Variants in NRXN3 observed in about 807,000 individuals in gnomAD.
The protein encoded by NRXN3 is neurexin III.
A neutral mutation model predicts 137.6 loss-of-function variants in NRXN3; 32 were observed. The ratio of observed to expected loss-of-function variants is 0.23; its 90% CI spans 0.18 to 0.31. The LOEUF is 0.31. Ranked by LOEUF, NRXN3 falls within the 10% of genes least tolerant of loss-of-function variation. NRXN3 has a pLI of 1.00. For synonymous variants in NRXN3, 798 were observed against 784.5 expected, an observed-to-expected ratio of 1.02 and a Z score of -0.29; for missense variants, 1,574 against 2,062.5, an observed-to-expected ratio of 0.76 and a Z score of 4.59.
At chr14:78,460,048 T>A (rs1458014319) in intron 4 of NRXN3, among the ~76,000 whole-genome samples, 1 of 152,210 alleles carries the variant, frequency 6.6e-6, no homozygotes, top group Non-Finnish European at 1.5e-5. Context: ...CTAGAGAAAC[T>A]CACAGAACTT....
chr14:78,225,274 T>A (rs1234850792), intron 1 of NRXN3, among the ~76,000 whole-genome samples: 1 of 152,200 alleles, frequency 6.6e-6, no homozygotes, highest in Non-Finnish European at 1.5e-5. Context: ...GTTTCCTGAC[T>A]TTTTAATGAT....
At chr14:78,935,700 T>A (rs932686349) in intron 10 of NRXN3, among the ~76,000 whole-genome samples, 2 of 152,162 alleles carry the variant, frequency 1.3e-5, no homozygotes, top group Non-Finnish European at 2.9e-5. Context: ...GATCATCTGT[T>A]TATCCCACCA....
chr14:79,719,402 G>GTATATATATGTGTGTGTGTGTA (rs5741998), intron 19 of NRXN3, among the ~76,000 whole-genome samples: 6 of 142,280 alleles, frequency 4.2e-5, no homozygotes, highest in Non-Finnish European at 9.0e-5. Flanking sequence ...ATATATGTGT[G>GTATATATATGTGTGTGTGTGTA]TATATATATA....
At chr14:79,524,447 G>A (rs1357482960) in intron 16 of NRXN3, among the ~76,000 whole-genome samples, 1 of 152,098 alleles carries the variant, frequency 6.6e-6, no homozygotes, top group Non-Finnish European at 1.5e-5. Flanking sequence ...TTACACTTTT[G>A]TTATATACTT....
intron 16 of NRXN3, among the ~76,000 whole-genome samples, chr14:79,490,483 A>C (rs907259105): frequency 3.9e-5 from 6 of 152,236 alleles, no homozygotes; most frequent in African/African-American, 1.4e-4. Context: ...CTATTCAGTC[A>C]TAAAAAAAGA....
At chr14:79,042,007 A>G (rs889180255) in intron 15 of NRXN3, among the ~76,000 whole-genome samples, 2 of 152,240 alleles carry the variant, frequency 1.3e-5, no homozygotes, top group Non-Finnish European at 2.9e-5. Context: ...AAGGCAACAC[A>G]GGAAAAAGCA....
intron 15 of NRXN3, among the ~76,000 whole-genome samples, chr14:79,204,039 G>A (rs1441322723): frequency 6.6e-6 from 1 of 152,020 alleles, no homozygotes; most frequent in East Asian, 1.9e-4. Flanking sequence ...CAGTCAAATG[G>A]CTCTTGGGAG....
rs17109610 is a variant in NRXN3 at position 79,619,856 on chromosome 14, A to T, written c.3445-43922A>T. On this transcript the variant is annotated intron_variant, in intron 16 of 20. Transcript: ENST00000335750. Reference sequence around the variant, plus strand: ...AATGTCTTTATAAAGTTTCTTAATCATGAGTGCCCATTTGAGTGGTCTGTG... The same window carrying T: ...AATGTCTTTATAAAGTTTCTTAATCTTGAGTGCCCATTTGAGTGGTCTGTG... Among the ~76,000 whole-genome samples, 3,148 of 152,232 alleles carry T rather than the reference A, an allele frequency of 0.021. 175 individuals are homozygous for T. In the East Asian group the frequency reaches 0.22, roughly 11 times the overall value.
At chr14:78,388,045 C>G (rs773422972) in intron 4 of NRXN3, among the ~76,000 whole-genome samples, 1 of 152,114 alleles carries the variant, frequency 6.6e-6, no homozygotes, top group Non-Finnish European at 1.5e-5. Flanking sequence ...AAAAATATCA[C>G]GGATCTTTAA....
chr14:78,444,101 T>C (rs189028746), intron 4 of NRXN3, among the ~76,000 whole-genome samples: 80 of 152,312 alleles, frequency 5.3e-4, no homozygotes, highest in African/African-American at 1.9e-3. Context: ...AGGGCTTAAA[T>C]AGAAGTAAAG....
At position 78,719,487 on chromosome 14, in the gene NRXN3, G is replaced by A. The variant is rs191674709; in HGVS notation, c.2044+4348G>A. ...TGAGATACCAATCTTCGATGAGGCTGGATTGTGTCATTGAAATGCTACATA... is the reference window on the plus strand; with the variant it reads ...TGAGATACCAATCTTCGATGAGGCTAGATTGTGTCATTGAAATGCTACATA... On this transcript the variant is annotated intron_variant, in intron 8 of 20. Transcript: ENST00000335750. 4.5e-4 allele frequency among the ~76,000 whole-genome samples: 69 copies of A among 152,274 alleles called. 1 individual carries two copies. Among genetic ancestry groups the A allele is most frequent in the African/African-American group, 1.6e-3 (67 of 41,546 alleles).
At chr14:78,797,474 A>C (rs112363545) in intron 8 of NRXN3, among the ~76,000 whole-genome samples, 6,014 of 152,298 alleles carry the variant, frequency 0.039, 173 homozygotes, top group East Asian at 0.077. Flanking sequence ...AAAGGAAATT[A>C]TGCTTAAAAA....
intron 15 of NRXN3, among the ~76,000 whole-genome samples, chr14:79,289,626 A>T (rs2082838267): frequency 1.3e-5 from 2 of 152,174 alleles, no homozygotes; most frequent in Admixed American, 1.3e-4. Flanking sequence ...ATCTAAAAAA[A>T]AAAAATTAAT....
intron 20 of NRXN3, among the ~76,000 whole-genome samples, chr14:79,810,704 C>A (rs927334598): frequency 6.6e-6 from 1 of 152,106 alleles, no homozygotes; most frequent in Non-Finnish European, 1.5e-5. Context: ...GATTCTTAAT[C>A]TTTATCAGTC....
chr14:78,923,298 C>A (rs144800321), intron 10 of NRXN3, among the ~76,000 whole-genome samples: 1 of 152,174 alleles, frequency 6.6e-6, no homozygotes, highest in African/African-American at 2.4e-5. Context: ...TACATTTTTA[C>A]ATTTCCTGTT....
intron 15 of NRXN3, among the ~76,000 whole-genome samples, chr14:79,145,613 A>C (rs767660586): frequency 1.3e-4 from 20 of 152,210 alleles, no homozygotes; most frequent in Non-Finnish European, 2.2e-4. Context: ...GGTCTTCCTC[A>C]AAAGGATAAT....
intron 19 of NRXN3, among the ~76,000 whole-genome samples, chr14:79,745,091 A>G (rs2098975564): frequency 6.6e-6 from 1 of 152,142 alleles, no homozygotes; most frequent in Non-Finnish European, 1.5e-5. Context: ...CAGAGCGAAA[A>G]GAAAAACAGT....
chr14:78,451,365 T>C (rs1253236964), intron 4 of NRXN3, among the ~76,000 whole-genome samples: 3 of 152,320 alleles, frequency 2.0e-5, no homozygotes, highest in Non-Finnish European at 2.9e-5. Context: ...TTCAGTATTG[T>C]TGCAAGAGTT....
At chr14:79,216,931 T>G (rs1001534422) in intron 15 of NRXN3, among the ~76,000 whole-genome samples, 1 of 152,020 alleles carries the variant, frequency 6.6e-6, no homozygotes, top group African/African-American at 2.4e-5. Flanking sequence ...GGTCAGCAGA[T>G]CAAGGCCAGC....
Sources: gnomAD v4.1 joint callset for allele counts (sites outside exome capture counted in the v4.1 genomes callset) on GRCh38, gnomAD v4.1.1 for gene constraint, MANE v1.5 for transcripts, NCBI Gene and HGNC (gene_info 2026-07-23, HGNC 2026-07-21) for gene names.